GRM5: variants seen among roughly 807,000 people sequenced by gnomAD.
GRM5 encodes metabotropic glutamate receptor 5.
Under a neutral mutation model 83.1 loss-of-function variants are expected in GRM5, and 19 were observed. That is an observed-to-expected ratio of 0.23 (90% CI 0.16 to 0.34). The LOEUF is 0.34. Among genes scored for constraint, GRM5 ranks in the 10% least tolerant of loss-of-function variants. The pLI is 1.00. For synonymous variants in GRM5, 675 were observed against 633.6 expected (o/e 1.07, Z -0.98); for missense variants, 1,160 against 1,588.3 (o/e 0.73, Z 4.58).
At chr11:89,064,888 C>CTCTCTCTCTCTCTGTGTGTGTG (rs1218318990) in intron 1 of GRM5, among the ~76,000 whole-genome samples, 1 of 62,212 alleles carries the variant, frequency 1.6e-5, no homozygotes, top group African/African-American at 6.9e-5. Flanking sequence ...CTCTCTCTCT[C>CTCTCTCTCTCTCTGTGTGTGTG]TGTGTGTGTG....
At chr11:88,571,540 A>T (rs955506006) in intron 7 of GRM5, among the ~76,000 whole-genome samples, 2 of 152,184 alleles carry the variant, frequency 1.3e-5, no homozygotes, top group Non-Finnish European at 2.9e-5. Flanking sequence ...TATCACAATC[A>T]CTTGGGAAGC....
chr11:89,049,201 AAGG>A (rs1941706309), intron 1 of GRM5, among the ~76,000 whole-genome samples: 8 of 152,182 alleles, frequency 5.3e-5, no homozygotes, highest in Non-Finnish European at 1.0e-4. Context: ...CAAAGGCTAA[AAGG>A]ATGTATGTTT....
intron 3 of GRM5, among the ~76,000 whole-genome samples, chr11:88,792,851 G>T (rs1264443806): frequency 6.6e-6 from 1 of 152,016 alleles, no homozygotes; most frequent in African/African-American, 2.4e-5. Context: ...ATATGTGCAA[G>T]TATTATTGAA....
intron 2 of GRM5, among the ~76,000 whole-genome samples, chr11:88,879,065 T>C (rs1565273911): frequency 2.6e-5 from 4 of 152,124 alleles, no homozygotes; most frequent in Non-Finnish European, 2.9e-5. Flanking sequence ...GTGGATTTTG[T>C]TGTATATAAA....
chr11:88,627,950 GGTT>G (rs1205342620), intron 4 of GRM5, among the ~76,000 whole-genome samples: 12 of 152,260 alleles, frequency 7.9e-5, no homozygotes, highest in African/African-American at 2.9e-4. Context: ...TGGCATGCAT[GGTT>G]AAAAACATCT....
chr11:88,610,381 T>A (rs576693526), intron 4 of GRM5, among the ~76,000 whole-genome samples: 3 of 152,330 alleles, frequency 2.0e-5, no homozygotes, highest in African/African-American at 7.2e-5. Flanking sequence ...GTTTGTGTCA[T>A]CTCTGATTTC....
intron 2 of GRM5, among the ~76,000 whole-genome samples, chr11:89,019,284 G>A (rs1751974738): frequency 6.6e-6 from 1 of 152,114 alleles, no homozygotes; most frequent in East Asian, 1.9e-4. Flanking sequence ...GGTATGTGCT[G>A]TCATCATACC....
chr11:88,655,326 G>A (rs934754172), intron 3 of GRM5, among the ~76,000 whole-genome samples: 1 of 151,968 alleles, frequency 6.6e-6, no homozygotes, highest in Non-Finnish European at 1.5e-5. Context: ...ACTGAGATGA[G>A]AGTGTGGGTC....
intron 3 of GRM5, among the ~76,000 whole-genome samples, chr11:88,686,081 A>G (rs919619593): frequency 6.6e-6 from 1 of 152,012 alleles, no homozygotes; most frequent in Non-Finnish European, 1.5e-5. Context: ...AGCTTCAGAC[A>G]CTCAACACTA....
chr11:88,778,177 C>G (rs1386399311), intron 3 of GRM5, among the ~76,000 whole-genome samples: 1 of 152,220 alleles, frequency 6.6e-6, no homozygotes, highest in Non-Finnish European at 1.5e-5. Flanking sequence ...ACCCCTCCCC[C>G]AGCCAGGCTA....
chr11:88,747,188 C>T (rs1942162685), intron 3 of GRM5, among the ~76,000 whole-genome samples: 1 of 152,170 alleles, frequency 6.6e-6, no homozygotes, highest in South Asian at 2.1e-4. Flanking sequence ...CGAGTTAAGG[C>T]TTCAAAACTG....
At chr11:88,995,766 T>C (rs1182506399) in intron 2 of GRM5, among the ~76,000 whole-genome samples, 3 of 152,088 alleles carry the variant, frequency 2.0e-5, no homozygotes, top group African/African-American at 2.4e-5. Context: ...AAATGGTATA[T>C]AGGTTGTATC....
At chr11:89,016,779 A>G (rs1365817360) in intron 2 of GRM5, among the ~76,000 whole-genome samples, 1 of 152,166 alleles carries the variant, frequency 6.6e-6, no homozygotes, top group Non-Finnish European at 1.5e-5. Context: ...TAGTATATGC[A>G]TACTAAGGTC....
chr11:88,734,179 G>A (rs935206043), intron 3 of GRM5, among the ~76,000 whole-genome samples: 1 of 151,938 alleles, frequency 6.6e-6, no homozygotes, highest in African/African-American at 2.4e-5. Context: ...CTAAACAACA[G>A]AGGAGCAAAT....
chr11:88,529,302 A>T (rs980181298), intron 8 of GRM5, among the ~76,000 whole-genome samples: 1 of 151,622 alleles, frequency 6.6e-6, no homozygotes, highest in South Asian at 2.1e-4. Flanking sequence ...CAATGTAAGA[A>T]GTTTTATTAT....
At chr11:88,586,895 A>G (rs998380046) in intron 7 of GRM5, among the ~76,000 whole-genome samples, 3 of 152,092 alleles carry the variant, frequency 2.0e-5, no homozygotes, top group Non-Finnish European at 4.4e-5. Context: ...CTGGCCCCAC[A>G]CTGTCTATAT....
intron 3 of GRM5, among the ~76,000 whole-genome samples, chr11:88,724,056 T>G (rs573077566): frequency 5.3e-5 from 8 of 152,152 alleles, no homozygotes; most frequent in African/African-American, 1.9e-4. Flanking sequence ...TCTTAGGAGA[T>G]AGTTCAAATC....
chr11:88,780,827 T>A (rs1942960609), intron 3 of GRM5, among the ~76,000 whole-genome samples: 1 of 152,086 alleles, frequency 6.6e-6, no homozygotes, highest in Non-Finnish European at 1.5e-5. Context: ...TGTATATTTT[T>A]CCTATTGAAA....
intron 2 of GRM5, among the ~76,000 whole-genome samples, chr11:88,889,047 A>G (rs1220123459): frequency 6.6e-6 from 1 of 152,174 alleles, no homozygotes; most frequent in Non-Finnish European, 1.5e-5. Context: ...AAATCAGATA[A>G]GCCAGTTTGT....
Sources: gnomAD v4.1 joint callset for allele counts (sites outside exome capture counted in the v4.1 genomes callset) on GRCh38, gnomAD v4.1.1 for gene constraint, MANE v1.5 for transcripts, NCBI Gene and HGNC (gene_info 2026-07-23, HGNC 2026-07-21) for gene names.